The following SLC6A12 variants were observed in gnomAD, a reference collection of about 807,000 sequenced individuals.
SLC6A12 encodes the protein sodium- and chloride-dependent betaine transporter.
A neutral mutation model predicts 73.3 loss-of-function variants in SLC6A12; 50 were observed. The observed-to-expected ratio is 0.68, with a 90% CI of 0.54 to 0.86. The LOEUF (loss-of-function observed/expected upper bound fraction) is 0.86. SLC6A12 is among the 40% of genes least tolerant of loss of function. SLC6A12 has a pLI of 0.00. For missense variants in SLC6A12, 648 were observed against 772.8 expected (o/e 0.84, Z 1.92); for synonymous variants, 304 against 309.2 (o/e 0.98, Z 0.18).
intron 3 of SLC6A12, among the ~76,000 whole-genome samples, chr12:206,916 A>G (rs1368167434): frequency 1.3e-5 from 2 of 152,210 alleles, no homozygotes; most frequent in East Asian, 3.8e-4. Flanking sequence ...CCTTCCCTCC[A>G]ATAAAGGAGG....
rs150759750 is a variant in SLC6A12 at position 194,716 on chromosome 12, G to A, written c.1429+509C>T. Among the ~76,000 whole-genome samples the A allele has an allele frequency of 8.8e-3, 1,333 of 152,316 alleles. 7 individuals are homozygous for A. The highest frequency in any genetic ancestry group is 0.016 in the Non-Finnish European group (1,065 of 68,028). On this transcript the variant is annotated intron_variant, in intron 13 of 15. Transcript: ENST00000684302. ...AGTCTGAGGGGGCCAGGCTGCTGGC[G>A]GAAGTCAGTGAAAGGCAGAATTCAC...
intron 7 of SLC6A12, among the ~76,000 whole-genome samples, chr12:200,270 G>T (rs556618427): frequency 4.0e-5 from 6 of 150,798 alleles, no homozygotes; most frequent in Admixed American, 6.6e-5. Context: ...CACCACGCCC[G>T]GCTAATTTTT....
intron 15 of SLC6A12, among the ~76,000 whole-genome samples, chr12:192,135 A>T (rs1293449447): frequency 6.6e-6 from 1 of 152,176 alleles, no homozygotes; most frequent in East Asian, 1.9e-4. Flanking sequence ...AGGGCAAGGA[A>T]TCTATAGTCT....
chr12:199,304 T>C (rs1282036121), intron 7 of SLC6A12, among the ~76,000 whole-genome samples: 1 of 152,234 alleles, frequency 6.6e-6, no homozygotes, highest in Non-Finnish European at 1.5e-5. Flanking sequence ...TCCATATGTG[T>C]ATATAATGTG....
At chr12:208,323 G>A (rs891059076) in intron 3 of SLC6A12, among the ~76,000 whole-genome samples, 6 of 152,232 alleles carry the variant, frequency 3.9e-5, no homozygotes, top group African/African-American at 7.2e-5. Flanking sequence ...AAAGCCTACC[G>A]CTATTTCTTA....
At chr12:200,341 C>T (rs932053502) in intron 7 of SLC6A12, among the ~76,000 whole-genome samples, 2 of 151,960 alleles carry the variant, frequency 1.3e-5, no homozygotes, top group South Asian at 2.1e-4. Flanking sequence ...ATCTCCTGAC[C>T]TCGTGATCCG....
chr12:193,800 A>C (rs148688446), intron 13 of SLC6A12, among the ~76,000 whole-genome samples: 1 of 152,070 alleles, frequency 6.6e-6, no homozygotes, highest in East Asian at 1.9e-4. Flanking sequence ...ATCATAGAAA[A>C]CTCATAGAGG....
At position 190,828 on chromosome 12, in the gene SLC6A12, C is replaced by A. The variant is rs1439788168; in HGVS notation, c.*240G>T. On this transcript the variant is annotated 3_prime_UTR_variant, in exon 16 of 16. Transcript: ENST00000684302. The stretch of plus-strand genomic sequence containing the variant: ...CCTTTATAAAAACGATGGTGCCTTC[C>A]CACAGGGAGTGGCGTCCCAACATGG... 1.7e-5 allele frequency: 6 copies of A among 355,762 alleles called. No individual in the cohort carries two copies. Among genetic ancestry groups the A allele is most frequent in the Non-Finnish European group, 2.5e-5 (5 of 199,618 alleles). The allele number at this position is 355,762 out of a possible 1,614,324, so 22.0% of individuals were successfully genotyped here. A position where few individuals can be genotyped will look rare whatever the true frequency, so the allele number is the denominator to read the frequency against.
chr12:200,353 C>T (rs760279773), intron 7 of SLC6A12, among the ~76,000 whole-genome samples: 1 of 152,062 alleles, frequency 6.6e-6, no homozygotes, highest in Non-Finnish European at 1.5e-5. Context: ...CGTGATCCGC[C>T]AGCCTCGGCC....
At chr12:187,984 A>C (rs568058212), downstream of SLC6A12, among the ~76,000 whole-genome samples, 8 of 152,092 alleles carry the variant, frequency 5.3e-5, no homozygotes, top group Non-Finnish European at 5.9e-5. Flanking sequence ...CGATTGGTGT[A>C]TTTACAATCC....
At chr12:195,098 G>A (rs1445256462) in intron 13 of SLC6A12, 127 bp downstream of exon 13, 1 of 684,508 alleles carries the variant, frequency 1.5e-6, no homozygotes, top group Non-Finnish European at 2.7e-6. Context: ...AAGAAGCAGG[G>A]CAACAGCGCA....
chr12:201,729 T>C (rs1490111728), intron 6 of SLC6A12, 33 bp downstream of exon 6: 12 of 1,552,524 alleles, frequency 7.7e-6, no homozygotes, highest in Non-Finnish European at 9.8e-6. Context: ...CCAAATTTCC[T>C]CTTCATATGT....
At chr12:199,315 T>C (rs79060033) in intron 7 of SLC6A12, among the ~76,000 whole-genome samples, 2 of 152,378 alleles carry the variant, frequency 1.3e-5, no homozygotes, top group East Asian at 3.9e-4. Flanking sequence ...ATATAATGTG[T>C]AATGATCAAA....
downstream of SLC6A12, among the ~76,000 whole-genome samples, chr12:186,151 G>A (rs928611580): frequency 6.6e-6 from 1 of 152,136 alleles, no homozygotes; most frequent in African/African-American, 2.4e-5. Flanking sequence ...AGGGGGCTGA[G>A]GGACGCCTCT....
rs1294130083 is a variant in SLC6A12 at position 190,718 on chromosome 12, G to A, written c.*350C>T. 1 of 176,148 alleles carries A rather than the reference G, an allele frequency of 5.7e-6. No homozygotes were observed. The highest frequency in any genetic ancestry group is 1.5e-4 in the East Asian group (1 of 6,892). The allele number at this position is 176,148 out of a possible 1,614,324, so 10.9% of individuals were successfully genotyped here. A position where few individuals can be genotyped will look rare whatever the true frequency, so the allele number is the denominator to read the frequency against. On this transcript the variant is annotated 3_prime_UTR_variant, in exon 16 of 16. Coordinates refer to ENST00000684302, the MANE Select transcript of SLC6A12 (RefSeq NM_001122848.3). ...GCTCCTCTCCCCGTGTACAAATGCAGTACGCTCTAACAAGAGGCATCCCCA... is the reference window on the plus strand; with the variant it reads ...GCTCCTCTCCCCGTGTACAAATGCAATACGCTCTAACAAGAGGCATCCCCA...
intron 3 of SLC6A12, among the ~76,000 whole-genome samples, chr12:208,258 C>G (rs1940747898): frequency 6.6e-6 from 1 of 152,186 alleles, no homozygotes; most frequent in African/African-American, 2.4e-5. Flanking sequence ...ATCTTGCCTC[C>G]CCTGACTTTC....
In SLC6A12 at chr12:198,602, G is replaced by T. The variant is rs1940045208; in HGVS notation, c.846+195C>A. 2 of 554,916 alleles carry T rather than the reference G, an allele frequency of 3.6e-6. No individual in the cohort carries two copies. The highest frequency in any genetic ancestry group is 6.1e-6 in the Non-Finnish European group (2 of 329,704). 34.4% of individuals were successfully genotyped at this position (554,916 alleles called of 1,614,324 possible). A position where few individuals can be genotyped will look rare whatever the true frequency, so the allele number is the denominator to read the frequency against. ...GAAAAAAAATTTTTTAAGAAAAAAA[G>T]TTATATTTGAGTGGTGGAATTACAA... On this transcript the variant is annotated intron_variant, in intron 8 of 15. Coordinates refer to ENST00000684302, the MANE Select transcript of SLC6A12 (RefSeq NM_001122848.3). The surrounding 1 kb of genome is among the most constrained non-coding windows in gnomAD (Gnocchi z 4.0).
chr12:211,944 T>A lies in SLC6A12; in HGVS notation c.-58+82A>T, dbSNP rs530333160. On this transcript the variant is annotated intron_variant, in intron 2 of 15. Transcript: ENST00000684302. ...TAGCTCCACTTTATGTGTGAGGAAG[T>A]GAAGCTCCAAGAGATTAAGGAACAG... is the stretch of plus-strand genomic sequence containing the variant. The A allele has an allele frequency of 2.6e-5, 4 of 152,306 alleles. No individual in the cohort carries two copies. In the East Asian group the frequency reaches 7.7e-4, roughly 29 times the overall value. The allele number at this position is 152,306 out of a possible 1,614,324, so 9.4% of individuals were successfully genotyped here. A position where few individuals can be genotyped will look rare whatever the true frequency, so the allele number is the denominator to read the frequency against.
chr12:193,281 C>A lies in SLC6A12; in HGVS notation c.1526G>T (p.Cys509Phe). 6.2e-7 allele frequency: 1 copy of A among 1,612,030 alleles called. No individual in the cohort carries two copies. Among genetic ancestry groups the A allele is most frequent in the African/African-American group, 1.3e-5 (1 of 74,978 alleles). Reference sequence around the variant, plus strand: ...GGGCAGCTGGTGGGCACATACCAGGCAAAGTCCAGGGGTCAGGAAGAGCCA... The same window carrying A: ...GGGCAGCTGGTGGGCACATACCAGGAAAAGTCCAGGGGTCAGGAAGAGCCA... ...ISWLFLTPGL[C>F]LATFLFSLSK... Residue 509 changes from cysteine (C) to phenylalanine (F), a missense_variant, in exon 14 of 16, where the codon TGC becomes TTC. Transcript: ENST00000684302.
Sources: gnomAD v4.1 joint callset for allele counts (sites outside exome capture counted in the v4.1 genomes callset) on GRCh38, gnomAD v4.1.1 for gene constraint, Gnocchi (gnomAD v3.1) non-coding constraint, MANE v1.5 for transcripts, NCBI Gene and HGNC (gene_info 2026-07-23, HGNC 2026-07-21) for gene names.